Variants in GLRA3 observed in about 807,000 individuals in gnomAD.
GLRA3 encodes glycine receptor subunit alpha-3.
GLRA3 carries 44 observed loss-of-function variants against 60.4 expected under a neutral mutation model. The observed-to-expected ratio is 0.73, with a 90% CI of 0.57 to 0.94. GLRA3 has a LOEUF of 0.94. Ranked by LOEUF, GLRA3 falls within the 40% of genes least tolerant of loss-of-function variation. The pLI, the probability that GLRA3 is intolerant of heterozygous loss-of-function variation, is 0.00. For missense variants in GLRA3, 508 were observed against 564.6 expected (o/e 0.90, Z 1.02); for synonymous variants, 223 against 192.9 (o/e 1.16, Z -1.29).
At chr4:174,772,934 G>A (rs77541073) in intron 2 of GLRA3, among the ~76,000 whole-genome samples, 2,441 of 152,238 alleles carry the variant, frequency 0.016, 75 homozygotes, top group African/African-American at 0.055. Context: ...ATATTTTAAA[G>A]GTATCACGTT....
chr4:174,691,454 G>A (rs1167335376), intron 5 of GLRA3, among the ~76,000 whole-genome samples: 1 of 152,122 alleles, frequency 6.6e-6, no homozygotes, highest in Non-Finnish European at 1.5e-5. Flanking sequence ...AAGCTGGACT[G>A]TACTGCTGCC....
chr4:174,774,893 A>G (rs1738532709), intron 2 of GLRA3, among the ~76,000 whole-genome samples: 1 of 152,202 alleles, frequency 6.6e-6, no homozygotes, highest in South Asian at 2.1e-4. Context: ...TTTTATTTGT[A>G]GTAAATACTC....
intron 6 of GLRA3, among the ~76,000 whole-genome samples, chr4:174,679,167 TAAAAATACA>T (rs1360137147): frequency 6.6e-6 from 1 of 151,928 alleles, no homozygotes; most frequent in Non-Finnish European, 1.5e-5. Context: ...CCGTCTCTAC[TAAAAATACA>T]AAAAATTAGC....
At chr4:174,816,698 A>T (rs1033060865) in intron 1 of GLRA3, among the ~76,000 whole-genome samples, 3 of 150,382 alleles carry the variant, frequency 2.0e-5, no homozygotes, top group African/African-American at 7.4e-5. Context: ...TATAGCATTG[A>T]TCACATACTA....
intron 3 of GLRA3, among the ~76,000 whole-genome samples, chr4:174,751,099 CT>C (rs1470375919): frequency 4.6e-5 from 7 of 151,328 alleles, no homozygotes; most frequent in East Asian, 3.9e-4. Context: ...ATCTATCTAT[CT>C]ATCTATCAAT....
chr4:174,691,601 C>T (rs1473331210), intron 5 of GLRA3, among the ~76,000 whole-genome samples: 2 of 152,212 alleles, frequency 1.3e-5, no homozygotes, highest in Admixed American at 6.5e-5. Flanking sequence ...GCTGTGTTGG[C>T]TGGGCTGGTC....
In GLRA3 at chr4:174,669,964, C is replaced by T. The variant is rs145035324; in HGVS notation, c.927+7114G>A. Among the ~76,000 whole-genome samples the T allele has an allele frequency of 6.2e-4, 95 of 152,282 alleles. 1 individual carries two copies. The East Asian group carries it at 0.012, about 19-fold the overall frequency. ...AAGAGGTGAATTTAACCAATACTTTCGTCACCAGACAAGGAAAGTACAACC... is the reference window on the plus strand; with the variant it reads ...AAGAGGTGAATTTAACCAATACTTTTGTCACCAGACAAGGAAAGTACAACC... On this transcript the variant is annotated intron_variant, in intron 7 of 9. Coordinates refer to ENST00000274093, the MANE Select transcript of GLRA3 (RefSeq NM_006529.4).
At chr4:174,778,669 G>T (rs924899218) in intron 2 of GLRA3, among the ~76,000 whole-genome samples, 2 of 152,232 alleles carry the variant, frequency 1.3e-5, no homozygotes, top group African/African-American at 4.8e-5. Flanking sequence ...CTTGGGAAGT[G>T]CAAGGGGTCA....
chr4:174,679,771 C>A (rs137877439), intron 6 of GLRA3, among the ~76,000 whole-genome samples: 1 of 152,116 alleles, frequency 6.6e-6, no homozygotes, highest in Non-Finnish European at 1.5e-5. Context: ...CATAGAAAGA[C>A]AATATCACAT....
chr4:174,749,729 A>T (rs1351809627), intron 3 of GLRA3, among the ~76,000 whole-genome samples: 1 of 152,098 alleles, frequency 6.6e-6, no homozygotes, highest in East Asian at 1.9e-4. Context: ...GGGATTTTTC[A>T]TGACTCTCCT....
chr4:174,787,266 T>C (rs1009694519), intron 2 of GLRA3, among the ~76,000 whole-genome samples: 1 of 152,112 alleles, frequency 6.6e-6, no homozygotes, highest in Non-Finnish European at 1.5e-5. Context: ...CATTTTCTTC[T>C]TTAATTTTCA....
At chr4:174,793,317 T>C (rs73868086) in intron 1 of GLRA3, among the ~76,000 whole-genome samples, 14,871 of 152,082 alleles carry the variant, frequency 0.098, 834 homozygotes, top group Non-Finnish European at 0.12. Flanking sequence ...GCTCTCTTTG[T>C]GAGTAATTTT....
intron 9 of GLRA3, among the ~76,000 whole-genome samples, chr4:174,656,465 A>G (rs1009604646): frequency 6.6e-6 from 1 of 152,056 alleles, no homozygotes; most frequent in African/African-American, 2.4e-5. Context: ...ATTTCTCTTT[A>G]ACATATATTT....
chr4:174,700,222 G>A (rs991897901), intron 5 of GLRA3, among the ~76,000 whole-genome samples: 1 of 152,026 alleles, frequency 6.6e-6, no homozygotes, highest in Non-Finnish European at 1.5e-5. Context: ...TTGTTTTATT[G>A]AGCTTTTCTT....
intron 4 of GLRA3, among the ~76,000 whole-genome samples, chr4:174,728,188 T>C (rs1736394190): frequency 6.6e-6 from 1 of 152,232 alleles, no homozygotes; most frequent in African/African-American, 2.4e-5. Flanking sequence ...TCAGCTGCCT[T>C]TCACTTTGCC....
chr4:174,719,995 TCA>T (rs960159621), intron 4 of GLRA3, among the ~76,000 whole-genome samples: 9 of 146,556 alleles, frequency 6.1e-5, no homozygotes, highest in African/African-American at 2.0e-4. Flanking sequence ...TTCACAAATT[TCA>T]CAGAGTGATT....
chr4:174,785,074 T>G (rs1302759930), intron 2 of GLRA3, among the ~76,000 whole-genome samples: 1 of 152,108 alleles, frequency 6.6e-6, no homozygotes, highest in Non-Finnish European at 1.5e-5. Context: ...TTAAATTGCT[T>G]TAAGAGAATT....
intron 6 of GLRA3, among the ~76,000 whole-genome samples, chr4:174,679,860 A>G (rs191554195): frequency 9.0e-4 from 137 of 152,332 alleles, no homozygotes; most frequent in African/African-American, 3.2e-3. Context: ...AGAGGCTGAG[A>G]AGAAGGCAGG....
chr4:174,733,489 T>C (rs1736639103), intron 3 of GLRA3, among the ~76,000 whole-genome samples: 1 of 152,194 alleles, frequency 6.6e-6, no homozygotes, highest in Non-Finnish European at 1.5e-5. Flanking sequence ...GAGCATGTCT[T>C]GAGTAAACAA....
Sources: gnomAD v4.1 joint callset for allele counts (sites outside exome capture counted in the v4.1 genomes callset) on GRCh38, gnomAD v4.1.1 for gene constraint, MANE v1.5 for transcripts, NCBI Gene and HGNC (gene_info 2026-07-23, HGNC 2026-07-21) for gene names.